Variants in C8orf34 observed in about 807,000 individuals in gnomAD.
C8orf34 encodes chromosome 8 open reading frame 34.
C8orf34 carries 65 observed loss-of-function variants against 68.3 expected under a neutral mutation model. The observed-to-expected ratio is 0.95, with a 90% CI of 0.78 to 1.17. The LOEUF (loss-of-function observed/expected upper bound fraction) is 1.17, where lower values mean the gene tolerates loss of function less well. C8orf34 is among the 50% of genes most tolerant of loss of function. The probability of loss-of-function intolerance (pLI) is 0.00; values close to 1 mark genes in which losing one functional copy is unlikely to be tolerated. For missense variants in C8orf34, 664 were observed against 655.4 expected (o/e 1.01, Z -0.14); for synonymous variants, 244 against 241.2 (o/e 1.01, Z -0.11).
At chr8:68,434,175 G>A (rs577665276) in intron 1 of C8orf34, among the ~76,000 whole-genome samples, 63 of 152,016 alleles carry the variant, frequency 4.1e-4, no homozygotes, top group Non-Finnish European at 8.1e-4. Flanking sequence ...TGTACAGAAC[G>A]TGCAGGTTTG....
At chr8:68,731,110 A>G (rs1170267831) in intron 10 of C8orf34, among the ~76,000 whole-genome samples, 1 of 152,170 alleles carries the variant, frequency 6.6e-6, no homozygotes, top group Non-Finnish European at 1.5e-5. Context: ...TTAATATCCA[A>G]TCCCTTGTGG....
At chr8:68,686,419 A>G (rs1311788101) in intron 8 of C8orf34, among the ~76,000 whole-genome samples, 1 of 152,160 alleles carries the variant, frequency 6.6e-6, no homozygotes, top group Non-Finnish European at 1.5e-5. Context: ...GAGCACATAA[A>G]AAAGGCAATA....
At chr8:68,632,613 G>T (rs1396052083) in intron 7 of C8orf34, among the ~76,000 whole-genome samples, 1 of 152,146 alleles carries the variant, frequency 6.6e-6, no homozygotes, top group Non-Finnish European at 1.5e-5. Flanking sequence ...CTTCACAGCA[G>T]CCCCTCCCAT....
At chr8:68,690,689 A>T (rs1049839006) in intron 8 of C8orf34, among the ~76,000 whole-genome samples, 4 of 152,074 alleles carry the variant, frequency 2.6e-5, no homozygotes, top group African/African-American at 9.6e-5. Flanking sequence ...AGTAGAGACT[A>T]AATTTCAGCA....
At chr8:68,489,971 C>G (rs11986389) in intron 5 of C8orf34, among the ~76,000 whole-genome samples, 2,704 of 152,228 alleles carry the variant, frequency 0.018, 80 homozygotes, top group African/African-American at 0.062. Context: ...TCATTGTCAT[C>G]TGTACCGACT....
chr8:68,818,144 A>G (rs1824876474), intron 13 of C8orf34, 95 bp from the exon 14 acceptor site: 1 of 1,234,586 alleles, frequency 8.1e-7, no homozygotes, highest in East Asian at 2.4e-5. Context: ...ATTGGAATAG[A>G]GGAAAGCATT....
chr8:68,727,005 C>A (rs1821849372), intron 10 of C8orf34, among the ~76,000 whole-genome samples: 1 of 152,146 alleles, frequency 6.6e-6, no homozygotes, highest in African/African-American at 2.4e-5. Flanking sequence ...ACCTTCCCAG[C>A]AGTGCCCCAA....
At chr8:68,459,858 G>C (rs1403713050) in intron 3 of C8orf34, among the ~76,000 whole-genome samples, 1 of 152,200 alleles carries the variant, frequency 6.6e-6, no homozygotes, top group African/African-American at 2.4e-5. Context: ...CCCAGTGTGA[G>C]TGACGCAGAA....
intron 10 of C8orf34, among the ~76,000 whole-genome samples, chr8:68,773,651 G>A (rs7016624): frequency 0.34 from 51,612 of 151,854 alleles, 9,300 homozygotes; most frequent in African/African-American, 0.45. Flanking sequence ...ATCCCAAAGT[G>A]CTGGGATTAC....
chr8:68,474,230 A>G (rs1812504358), intron 4 of C8orf34, among the ~76,000 whole-genome samples: 1 of 152,142 alleles, frequency 6.6e-6, no homozygotes, highest in Admixed American at 6.5e-5. Context: ...AACTCAATGT[A>G]TCTAAGTGGA....
intron 8 of C8orf34, among the ~76,000 whole-genome samples, chr8:68,707,235 G>T (rs892582492): frequency 6.6e-6 from 1 of 152,080 alleles, no homozygotes; most frequent in African/African-American, 2.4e-5. Context: ...GAAGCATTCC[G>T]CAATGGAATT....
At chr8:68,534,406 G>A (rs1815377570) in intron 7 of C8orf34, 1 of 879,756 alleles carries the variant, frequency 1.1e-6, no homozygotes, top group East Asian at 1.2e-4. Context: ...TGGGGTCTGG[G>A]AACATAAAAA....
chr8:68,455,223 A>T (rs140450772), intron 3 of C8orf34, among the ~76,000 whole-genome samples: 32 of 152,258 alleles, frequency 2.1e-4, no homozygotes, highest in Non-Finnish European at 4.1e-4. Context: ...ATTCTTGTTA[A>T]GTGGAATGTT....
intron 7 of C8orf34, among the ~76,000 whole-genome samples, chr8:68,562,601 C>G (rs144838443): frequency 1.3e-5 from 2 of 152,286 alleles, no homozygotes; most frequent in Non-Finnish European, 2.9e-5. Flanking sequence ...GTCCTAAAGA[C>G]ACATTATCAT....
At chr8:68,725,890 CTTTTTTTA>C (rs1207573360) in intron 10 of C8orf34, among the ~76,000 whole-genome samples, 2 of 151,992 alleles carry the variant, frequency 1.3e-5, no homozygotes, top group African/African-American at 2.4e-5. Context: ...TAGCCAATAT[CTTTTTTTA>C]TTTTTTTATT....
intron 1 of C8orf34, among the ~76,000 whole-genome samples, chr8:68,352,694 G>T (rs980072701): frequency 2.0e-5 from 3 of 152,010 alleles, no homozygotes; most frequent in Admixed American, 2.0e-4. Flanking sequence ...TTTTGGGTTC[G>T]AAATGTGTTA....
intron 12 of C8orf34, among the ~76,000 whole-genome samples, chr8:68,802,739 C>G (rs1482146462): frequency 2.0e-5 from 3 of 152,122 alleles, no homozygotes; most frequent in Non-Finnish European, 4.4e-5. Context: ...CTCAAGCAAT[C>G]TGCCTCTTTA....
chr8:68,512,531 C>T (rs186724551), intron 5 of C8orf34, among the ~76,000 whole-genome samples: 4 of 152,158 alleles, frequency 2.6e-5, no homozygotes, highest in African/African-American at 9.6e-5. Flanking sequence ...TAGAATTCCA[C>T]ATTATCATAA....
chr8:68,569,300 G>C (rs1206303550), intron 7 of C8orf34, among the ~76,000 whole-genome samples: 1 of 152,258 alleles, frequency 6.6e-6, no homozygotes, highest in Non-Finnish European at 1.5e-5. Flanking sequence ...TAATTAAATA[G>C]TTTGAGTGAG....
Sources: gnomAD v4.1 joint callset for allele counts (sites outside exome capture counted in the v4.1 genomes callset) on GRCh38, gnomAD v4.1.1 for gene constraint, MANE v1.5 for transcripts, NCBI Gene and HGNC (gene_info 2026-07-23, HGNC 2026-07-21) for gene names.